The following KLHL32 variants were observed in gnomAD, a reference collection of about 807,000 sequenced individuals.
KLHL32 encodes kelch like family member 32.
Under a neutral mutation model 64.8 loss-of-function variants are expected in KLHL32, and 35 were observed. The ratio of observed to expected loss-of-function variants is 0.54; its 90% CI spans 0.41 to 0.72. The LOEUF is 0.72. KLHL32 is among the 30% of genes least tolerant of loss of function. The pLI is 0.00. For synonymous variants in KLHL32, 259 were observed against 281.0 expected, an observed-to-expected ratio of 0.92 and a Z score of 0.78; for missense variants, 589 against 768.5, an observed-to-expected ratio of 0.77 and a Z score of 2.76.
intron 3 of KLHL32, among the ~76,000 whole-genome samples, chr6:97,028,856 C>T (rs1332616839): frequency 6.6e-6 from 1 of 152,202 alleles, no homozygotes. Flanking sequence ...ATAGATAAAA[C>T]AATGGACTTC....
At chr6:97,109,200 G>A (rs1479312574) in intron 6 of KLHL32, among the ~76,000 whole-genome samples, 1 of 152,190 alleles carries the variant, frequency 6.6e-6, no homozygotes. Flanking sequence ...TTTGTAGTTG[G>A]TGACAAGATG....
chr6:97,112,425 T>C (rs371719741), intron 6 of KLHL32, among the ~76,000 whole-genome samples: 2 of 152,090 alleles, frequency 1.3e-5, no homozygotes, highest in East Asian at 1.9e-4. Context: ...GCTCCATAAA[T>C]GAATTGTGGT....
intron 1 of KLHL32, among the ~76,000 whole-genome samples, chr6:96,966,646 A>C (rs1415393237): frequency 6.6e-6 from 1 of 152,232 alleles, no homozygotes; most frequent in Non-Finnish European, 1.5e-5. Flanking sequence ...CAAGTCAACT[A>C]GTATTTGTGG....
At chr6:97,069,960 A>C (rs1364332640) in intron 5 of KLHL32, among the ~76,000 whole-genome samples, 5 of 151,968 alleles carry the variant, frequency 3.3e-5, no homozygotes, top group African/African-American at 1.2e-4. Flanking sequence ...TAATTATTAA[A>C]TTAAGAGTAT....
chr6:97,043,083 C>T (rs1447745169), intron 4 of KLHL32, among the ~76,000 whole-genome samples: 1 of 152,198 alleles, frequency 6.6e-6, no homozygotes. Flanking sequence ...GTGGAAACAG[C>T]CTGAAACCCT....
At chr6:96,938,137 A>T (rs1012487900) in intron 1 of KLHL32, among the ~76,000 whole-genome samples, 1 of 152,258 alleles carries the variant, frequency 6.6e-6, no homozygotes, top group Non-Finnish European at 1.5e-5. Context: ...GAAGAAATCC[A>T]GTAACTTATC....
chr6:97,133,578 C>G (rs982825833), intron 10 of KLHL32, among the ~76,000 whole-genome samples: 11 of 152,142 alleles, frequency 7.2e-5, no homozygotes, highest in African/African-American at 2.7e-4. Context: ...AGTCACATCT[C>G]ATAAAGTACA....
intron 3 of KLHL32, among the ~76,000 whole-genome samples, chr6:97,034,298 T>G (rs1021563943): frequency 6.6e-6 from 1 of 152,152 alleles, no homozygotes; most frequent in Non-Finnish European, 1.5e-5. Context: ...TGTGTGTTCT[T>G]GGCACCCTGT....
chr6:97,134,687 T>C (rs963858354), intron 10 of KLHL32, among the ~76,000 whole-genome samples: 2 of 152,160 alleles, frequency 1.3e-5, no homozygotes, highest in Admixed American at 1.3e-4. Context: ...TAGTATCAGA[T>C]TAGCTCAAGG....
rs1318797514 is a variant in KLHL32, at chr6:97,114,466, A to G, written c.1311A>G (p.Ser437=). The change falls in exon 7 of 11, where the codon TCA becomes TCG. Residue 437 remains serine, a synonymous_variant. Transcript: ENST00000369261. ...TTCAGTCCTTTGACAGATCCCTTTC[A>G]TGCCATGCTGGATATGTGGCTGATG... The part of the protein sequence containing the change: ...TFVQSFDRSL[S]CHAGYVADGL... 9 of 1,614,034 alleles carry G rather than the reference A, an allele frequency of 5.6e-6. No individual in the cohort carries two copies. Among genetic ancestry groups the G allele is most frequent in the African/African-American group, 4.0e-5 (3 of 74,932 alleles).
At chr6:96,904,991 T>A in the KLHL32 span, among the ~76,000 whole-genome samples, 1 of 152,234 alleles carries the variant, frequency 6.6e-6, no homozygotes, top group Non-Finnish European at 1.5e-5. Flanking sequence ...ATCAGTTTGC[T>A]TTCATACTGT....
At chr6:96,951,368 G>A (rs1471111682) in intron 1 of KLHL32, among the ~76,000 whole-genome samples, 2 of 152,110 alleles carry the variant, frequency 1.3e-5, no homozygotes, top group African/African-American at 4.8e-5. Flanking sequence ...GGTACTATAA[G>A]GGGACAGCAG....
rs1417915114 is a variant in KLHL32 at position 96,967,032 on chromosome 6, G to C, written c.-29G>C. On this transcript the variant is annotated 5_prime_UTR_variant, in exon 2 of 11. Transcript: ENST00000369261. ...GCTGATTCCTCTGCACACTTCTAAG[G>C]CTGAGAACCTGAGGAACCCAGCTGG... 7 of 1,611,106 alleles carry C rather than the reference G, an allele frequency of 4.3e-6. No homozygotes were observed. Among genetic ancestry groups the C allele is most frequent in the East Asian group, 2.2e-5 (1 of 44,870 alleles).
At chr6:97,042,660 T>C (rs1032060559) in intron 4 of KLHL32, among the ~76,000 whole-genome samples, 2 of 152,156 alleles carry the variant, frequency 1.3e-5, no homozygotes, top group African/African-American at 4.8e-5. Flanking sequence ...AATGCACTCT[T>C]CTAGCAATGT....
chr6:97,085,419 T>A, intron 6 of KLHL32, 78 bp downstream of exon 6: 2 of 1,247,542 alleles, frequency 1.6e-6, no homozygotes, highest in Non-Finnish European at 2.3e-6. Context: ...GAGGAACAAT[T>A]ACCACTATTT....
chr6:97,139,015 A>T lies in KLHL32; in HGVS notation c.1702-106A>T, dbSNP rs1800382910. On this transcript the variant is annotated intron_variant, in intron 10 of 10. Coordinates refer to ENST00000369261, the MANE Select transcript of KLHL32 (RefSeq NM_052904.4). ...GAAAAAGAATTCCTAAGATATGGTG[A>T]TGGTGACATAACTGAATTTAAGTTC... 5 of 1,007,020 alleles carry T rather than the reference A, an allele frequency of 5.0e-6. No homozygotes were observed. The East Asian group carries it at 7.3e-5, about 15-fold the overall frequency. 62.4% of individuals were successfully genotyped at this position (1,007,020 alleles called of 1,614,324 possible).
chr6:97,085,919 G>A (rs769868269), intron 6 of KLHL32, among the ~76,000 whole-genome samples: 5 of 152,116 alleles, frequency 3.3e-5, no homozygotes, highest in Non-Finnish European at 7.4e-5. Context: ...ACATTGTGTC[G>A]CTCCCTTGTC....
At chr6:96,968,313 G>T (rs1774702394) in intron 2 of KLHL32, among the ~76,000 whole-genome samples, 1 of 151,720 alleles carries the variant, frequency 6.6e-6, no homozygotes, top group Non-Finnish European at 1.5e-5. Context: ...TAGAGGCCAG[G>T]AATCATTTTA....
chr6:97,103,354 T>C (rs756075790), intron 6 of KLHL32, among the ~76,000 whole-genome samples: 2 of 151,964 alleles, frequency 1.3e-5, no homozygotes, highest in African/African-American at 2.4e-5. Context: ...GCTGGGACTA[T>C]AGGCACCTGC....
Sources: allele counts gnomAD v4.1 joint callset (sites outside exome capture counted in the v4.1 genomes callset), GRCh38; gene constraint gnomAD v4.1.1; transcripts MANE v1.5; gene names NCBI Gene and HGNC (gene_info 2026-07-23, HGNC 2026-07-21).